The following AIG1 variants were observed in gnomAD, a reference collection of about 807,000 sequenced individuals.
AIG1 encodes androgen induced 1.
AIG1 carries 23 observed loss-of-function variants against 31.4 expected under a neutral mutation model. That is an observed-to-expected ratio of 0.73 (90% confidence interval 0.53 to 1.04). The LOEUF is 1.04. Among genes scored for constraint, AIG1 ranks in the 50% least tolerant of loss-of-function variants. The pLI, the probability that AIG1 is intolerant of heterozygous loss-of-function variation, is 0.00. For missense variants in AIG1, 274 were observed against 295.0 expected (o/e 0.93, Z 0.52); for synonymous variants, 100 against 110.5 (o/e 0.90, Z 0.60).
intron 4 of AIG1, among the ~76,000 whole-genome samples, chr6:143,296,319 AG>A (rs1206034709): frequency 6.6e-6 from 1 of 152,184 alleles, no homozygotes; most frequent in African/African-American, 2.4e-5. Context: ...GACCTAGTTC[AG>A]GCAATAAAAA....
At chr6:143,097,246 G>A (rs2092238) in intron 1 of AIG1, among the ~76,000 whole-genome samples, 16,363 of 151,462 alleles carry the variant, frequency 0.11, 2,803 homozygotes, top group African/African-American at 0.37. Context: ...ACTTTGTAGT[G>A]GGAGAATTTC....
At chr6:143,061,266 C>T in intron 1 of AIG1, 200 bp downstream of exon 1, 1 of 719,828 alleles carries the variant, frequency 1.4e-6, no homozygotes, top group South Asian at 1.5e-5. Flanking sequence ...CTGAACCACT[C>T]ACCGTTACCT....
rs1309207695 is a variant in AIG1 at position 143,221,620 on chromosome 6, A to G, written c.399+56437A>G. Among the ~76,000 whole-genome samples the G allele has an allele frequency of 1.5e-4, 23 of 152,180 alleles. 1 individual carries two copies. Among genetic ancestry groups the G allele is most frequent in the Admixed American group, 1.5e-3 (23 of 15,282 alleles). On this transcript the variant is annotated intron_variant, in intron 3 of 5. Transcript: ENST00000357847. ...ACTTGGATTATTGCATTTAATAGCTATATTATATTCTGGGAAAATAGCATA... is the reference window on the plus strand; with the variant it reads ...ACTTGGATTATTGCATTTAATAGCTGTATTATATTCTGGGAAAATAGCATA...
chr6:143,147,487 C>T (rs756142205), intron 2 of AIG1, among the ~76,000 whole-genome samples: 1 of 152,082 alleles, frequency 6.6e-6, no homozygotes. Flanking sequence ...CATTGATACA[C>T]GCACACATAA....
chr6:143,100,014 G>A (rs868228816), intron 1 of AIG1, among the ~76,000 whole-genome samples: 1 of 152,172 alleles, frequency 6.6e-6, no homozygotes, highest in Middle Eastern at 3.2e-3. Context: ...TTCAAGTACG[G>A]TTTTGTTTGC....
intron 1 of AIG1, among the ~76,000 whole-genome samples, chr6:143,065,249 A>G (rs982532697): frequency 6.6e-6 from 1 of 152,108 alleles, no homozygotes; most frequent in Non-Finnish European, 1.5e-5. Flanking sequence ...AGGGGTTACA[A>G]TGGCTGAGCT....
At chr6:143,271,307 A>G (rs1796514575) in intron 3 of AIG1, among the ~76,000 whole-genome samples, 1 of 152,208 alleles carries the variant, frequency 6.6e-6, no homozygotes, top group African/African-American at 2.4e-5. Flanking sequence ...AATATCCCTG[A>G]TTAATTATGC....
In AIG1 at chr6:143,331,937, T is replaced by A. The variant is rs977787677; in HGVS notation, c.516-1345T>A. ...CCCAGGCTGGAGTGCAGTGGTGTGA[T>A]CTCAGCTCACTGCAACCTCTGCCTC... On this transcript the variant is annotated intron_variant, in intron 4 of 5. Transcript: ENST00000357847. The surrounding 1 kb of genome is among the most constrained non-coding windows in gnomAD (Gnocchi z 4.1). Among the ~76,000 whole-genome samples, 1 of 151,298 alleles carries A rather than the reference T, an allele frequency of 6.6e-6. No individual in the cohort carries two copies. Among genetic ancestry groups the A allele is most frequent in the Non-Finnish European group, 1.5e-5 (1 of 67,918 alleles).
In AIG1 at chr6:143,280,861, C is replaced by A. The variant is rs1360613263; in HGVS notation, c.400-3249C>A. ...ATGTAACAAACCTTCACGTGTATCC[C>A]CAAATCTAAAATAAAAGTTAAAAAA... On this transcript the variant is annotated intron_variant, in intron 3 of 5. Coordinates refer to ENST00000357847, the MANE Select transcript of AIG1 (RefSeq NM_016108.4). This position sits in a 1 kb window ranked among gnomAD's most constrained non-coding sequence, Gnocchi z 4.1. Among the ~76,000 whole-genome samples, 1 of 151,922 alleles carries A rather than the reference C, an allele frequency of 6.6e-6. No individual in the cohort carries two copies. The highest frequency in any genetic ancestry group is 2.4e-5 in the African/African-American group (1 of 41,326).
chr6:143,307,744 G>C (rs1416711014), intron 4 of AIG1, among the ~76,000 whole-genome samples: 2 of 152,192 alleles, frequency 1.3e-5, no homozygotes. Flanking sequence ...GTCAGACAGG[G>C]ACATTTAAGT....
At chr6:143,294,293 G>C (rs748639189) in intron 4 of AIG1, among the ~76,000 whole-genome samples, 3 of 152,154 alleles carry the variant, frequency 2.0e-5, no homozygotes, top group Non-Finnish European at 4.4e-5. Context: ...TGTACATCTA[G>C]CTGCTTCCCT....
chr6:143,341,080 C>G (rs756203609), downstream of AIG1, among the ~76,000 whole-genome samples: 2 of 152,202 alleles, frequency 1.3e-5, no homozygotes, highest in African/African-American at 4.8e-5. Flanking sequence ...CTGTCTCTCT[C>G]TTTCTCCCAC....
chr6:143,189,461 T>C (rs1789588722), intron 3 of AIG1: 1 of 982,682 alleles, frequency 1.0e-6, no homozygotes, highest in African/African-American at 1.7e-5. Flanking sequence ...AGTAATTTAT[T>C]ATATATTGAA....
intron 3 of AIG1, among the ~76,000 whole-genome samples, chr6:143,209,377 T>C (rs901665331): frequency 6.6e-6 from 1 of 152,220 alleles, no homozygotes; most frequent in Non-Finnish European, 1.5e-5. Flanking sequence ...AGGTTGTAGA[T>C]GAGATGCAAA....
At position 143,136,935 on chromosome 6, in the gene AIG1, A is replaced by G; in HGVS notation, c.242A>G (p.Lys81Arg). ...CAGGAGCAAGAGAGGCAGCTCAAGA[A>G]GCTCATCTCTCTCCGGGACTGGATG... ...GNQEQERQLKKLISLRDWMLA... is the reference protein window; with the variant it reads ...GNQEQERQLKRLISLRDWMLA... Residue 81 changes from lysine to arginine, a missense_variant, in exon 2 of 6, where the codon AAG becomes AGG. By Grantham distance (26) the Lys-to-Arg change is conservative. Coordinates refer to ENST00000357847, the MANE Select transcript of AIG1 (RefSeq NM_016108.4). 1 of 1,532,110 alleles carries G rather than the reference A, an allele frequency of 6.5e-7. No homozygotes were observed. The highest frequency in any genetic ancestry group is 1.3e-5 in the South Asian group (1 of 79,970). The allele number at this position is 1,532,110 out of a possible 1,614,324, so 94.9% of individuals were successfully genotyped here.
rs570057786 is a variant in AIG1 at position 143,322,522 on chromosome 6, C to T, written c.516-10760C>T. ...TTTGGCATCTATGTGCCTTGAGAAG[C>T]TCCAAATGATTCCAGTTAAGCAAAA... On this transcript the variant is annotated intron_variant, in intron 4 of 5. Coordinates refer to ENST00000357847, the MANE Select transcript of AIG1 (RefSeq NM_016108.4). Among the ~76,000 whole-genome samples the T allele has an allele frequency of 9.2e-4, 140 of 152,272 alleles. 1 individual carries two copies. The highest frequency in any genetic ancestry group is 3.3e-3 in the African/African-American group (139 of 41,552).
rs189838155 is a variant in AIG1, at chr6:143,231,511, C to G, written c.400-52599C>G. ...CTCGTGAACAGAGTGAAAAAGGGCT[C>G]TCTTGGCTGAGGGAGCATGGGCATA... On this transcript the variant is annotated intron_variant, in intron 3 of 5. Transcript: ENST00000357847. 1.4e-3 allele frequency among the ~76,000 whole-genome samples: 208 copies of G among 152,188 alleles called. 2 individuals carry two copies. Among genetic ancestry groups the G allele is most frequent in the African/African-American group, 4.8e-3 (199 of 41,496 alleles).
At chr6:143,188,983 G>A (rs1408306841) in intron 3 of AIG1, 2 of 984,790 alleles carry the variant, frequency 2.0e-6, no homozygotes, top group African/African-American at 1.7e-5. Context: ...ATGCAACTGA[G>A]ATAAAAGTCA....
At chr6:143,092,374 C>T (rs1380841246) in intron 1 of AIG1, among the ~76,000 whole-genome samples, 3 of 151,576 alleles carry the variant, frequency 2.0e-5, no homozygotes, top group Admixed American at 2.0e-4. Context: ...CTGCCTCAGC[C>T]TCTCAAAGTG....
Sources: gnomAD v4.1 joint callset for allele counts (sites outside exome capture counted in the v4.1 genomes callset) on GRCh38, gnomAD v4.1.1 for gene constraint, Gnocchi (gnomAD v3.1) non-coding constraint, MANE v1.5 for transcripts, NCBI Gene and HGNC (gene_info 2026-07-23, HGNC 2026-07-21) for gene names.